The following IL1RAPL2 variants were observed in gnomAD, a reference collection of about 807,000 sequenced individuals.
IL1RAPL2 encodes the protein interleukin 1 receptor accessory protein like 2.
IL1RAPL2 carries 3 observed loss-of-function variants against 44.1 expected under a neutral mutation model. The observed-to-expected ratio is 0.07, with a 90% confidence interval of 0.03 to 0.18. IL1RAPL2 has a LOEUF of 0.18. IL1RAPL2 is among the 10% of genes least tolerant of loss of function. The pLI is 1.00. For missense variants in IL1RAPL2, 391 were observed against 496.4 expected, an observed-to-expected ratio of 0.79 and a Z score of 2.02; for synonymous variants, 181 against 178.8, an observed-to-expected ratio of 1.01 and a Z score of -0.10.
rs540928483 is a variant in IL1RAPL2 at position 104,800,278 on chromosome X, G to A, written c.82+141283G>A. On this transcript the variant is annotated intron_variant, in intron 2 of 10. Transcript: ENST00000372582. ...GTAACTTCTCTGAGCTCTATTTCTT[G>A]TACAGTGGGAGATGATAATGAAATC... Among the ~76,000 whole-genome samples the A allele has an allele frequency of 1.2e-3, 128 of 110,648 alleles. 1 individual carries two copies. The highest frequency in any genetic ancestry group is 4.6e-3 in the Middle Eastern group (1 of 216).
chrX:105,370,674 G>A (rs749277248), intron 5 of IL1RAPL2, among the ~76,000 whole-genome samples: 41 of 111,975 alleles, frequency 3.7e-4, no homozygotes, highest in Non-Finnish European at 7.3e-4. Context: ...TGTGAACAGT[G>A]CTGCAATGAA....
intron 6 of IL1RAPL2, among the ~76,000 whole-genome samples, chrX:105,542,390 A>T (rs2036745202): frequency 8.9e-6 from 1 of 112,089 alleles, no homozygotes; most frequent in African/African-American, 3.2e-5. Flanking sequence ...AGTCAGCCAG[A>T]CTAGTTATCT....
intron 5 of IL1RAPL2, among the ~76,000 whole-genome samples, chrX:105,434,480 T>TA (rs1476400947): frequency 1.9e-4 from 21 of 112,495 alleles, no homozygotes; most frequent in Middle Eastern, 4.6e-3. Context: ...TGAATGAATT[T>TA]AAAAAATTGT....
chrX:104,949,155 A>G (rs1208138088), intron 2 of IL1RAPL2, among the ~76,000 whole-genome samples: 3 of 100,630 alleles, frequency 3.0e-5, no homozygotes, highest in East Asian at 6.7e-4. Flanking sequence ...GGGAGAGTGT[A>G]TGTGTCGAGG....
At chrX:105,208,344 G>T (rs1400118845) in intron 3 of IL1RAPL2, among the ~76,000 whole-genome samples, 1 of 111,354 alleles carries the variant, frequency 9.0e-6, no homozygotes, top group African/African-American at 3.3e-5. Context: ...TATATTTAAA[G>T]GAGGCAAATT....
In IL1RAPL2 at chrX:104,963,936, A is replaced by T. The variant is rs3057301; in HGVS notation, c.83-231539A>T. ...GGATGTGCGTGTGTGTGTGTGTGTG[A>T]GAGAGAGAGAGAGAGAGAGAGAGGG... On this transcript the variant is annotated intron_variant, in intron 2 of 10. Transcript: ENST00000372582. Among the ~76,000 whole-genome samples the T allele has an allele frequency of 9.5e-3, 347 of 36,345 alleles. 1 individual carries two copies. The highest frequency in any genetic ancestry group is 0.017 in the African/African-American group (132 of 7,918). 31.6% of individuals were successfully genotyped at this position (36,345 alleles called of 115,157 possible).
At chrX:105,461,186 A>G (rs941155507) in intron 5 of IL1RAPL2, among the ~76,000 whole-genome samples, 38 of 111,481 alleles carry the variant, frequency 3.4e-4, no homozygotes, top group African/African-American at 1.2e-3. Flanking sequence ...ACATTCAAGG[A>G]GTTTCCAGTG....
chrX:104,848,939 A>T (rs1922142264), intron 2 of IL1RAPL2, among the ~76,000 whole-genome samples: 1 of 111,155 alleles, frequency 9.0e-6, no homozygotes, highest in African/African-American at 3.3e-5. Flanking sequence ...AATATTTAAG[A>T]TAACTTTAGA....
chrX:105,088,038 T>C (rs1421069615), intron 2 of IL1RAPL2, among the ~76,000 whole-genome samples: 1 of 112,324 alleles, frequency 8.9e-6, no homozygotes, highest in Non-Finnish European at 1.9e-5. Flanking sequence ...TTCGTTAAGA[T>C]CTACTGGAAA....
Position 105,767,378 on chromosome X carries a change from C to T in IL1RAPL2, c.1778C>T (p.Ser593Leu). 8.3e-7 allele frequency: 1 copy of T among 1,211,792 alleles called. No individual in the cohort carries two copies. The highest frequency in any genetic ancestry group is 1.1e-6 in the Non-Finnish European group (1 of 895,445). Residue 593 changes from serine (S) to leucine (L), a missense_variant, in exon 11 of 11, where the codon TCA becomes TTA. Ser to Leu is a moderately radical substitution (Grantham distance 145). This residue lies in a region of IL1RAPL2 where 232 missense variants were observed against 244.8 expected (regional missense o/e 0.95). Transcript: ENST00000372582. ...CCCTCTATTGCCATGACCAGTACTT[C>T]AGCCACTCTGGTGTCATCTCAGGCT... The part of the protein sequence containing the change: ...PIPSIAMTST[S>L]ATLVSSQADL...
chrX:105,259,158 C>A (rs1272217297), intron 4 of IL1RAPL2, among the ~76,000 whole-genome samples: 1 of 111,871 alleles, frequency 8.9e-6, no homozygotes. Context: ...TTGAAGCTTA[C>A]TTCCTGTCTC....
At chrX:104,901,447 G>A (rs967875728) in intron 2 of IL1RAPL2, among the ~76,000 whole-genome samples, 6 of 109,065 alleles carry the variant, frequency 5.5e-5, no homozygotes, top group Non-Finnish European at 7.6e-5. Context: ...TCCTGACCTC[G>A]TGATCCGCCC....
chrX:104,695,010 T>C (rs920937819), intron 2 of IL1RAPL2, among the ~76,000 whole-genome samples: 2 of 112,386 alleles, frequency 1.8e-5, no homozygotes, highest in Admixed American at 1.9e-4. Flanking sequence ...CAGCCTCAGC[T>C]GGGCTCTCAC....
At chrX:105,237,116 A>T (rs959965788) in intron 4 of IL1RAPL2, among the ~76,000 whole-genome samples, 3 of 111,418 alleles carry the variant, frequency 2.7e-5, no homozygotes, top group Non-Finnish European at 5.7e-5. Context: ...TTGTCCTTGC[A>T]ATAGTTTGCT....
rs748108881 is a variant in IL1RAPL2, at chrX:105,304,233, T to G, written c.697+36692T>G. Among the ~76,000 whole-genome samples the G allele has an allele frequency of 4.6e-5, 5 of 107,935 alleles. No homozygotes were observed. The South Asian group carries it at 1.9e-3, about 41-fold the overall frequency. The allele number at this position is 107,935 out of a possible 115,157, so 93.7% of individuals were successfully genotyped here. ...ATTGCAGCAGAGAAAGAGCTTTAAT[T>G]GTAGGGTCACTGAATGAGGAGATGG... On this transcript the variant is annotated intron_variant, in intron 5 of 10. Coordinates refer to ENST00000372582, the MANE Select transcript of IL1RAPL2 (RefSeq NM_017416.2).
intron 6 of IL1RAPL2, among the ~76,000 whole-genome samples, chrX:105,540,833 G>GCATATATTATATATC (rs1569452093): frequency 3.7e-5 from 1 of 27,297 alleles, no homozygotes; most frequent in Non-Finnish European, 6.5e-5. Context: ...TATTATATAT[G>GCATATATTATATATC]ATATATAATA....
chrX:105,396,269 G>A (rs1466585896), intron 5 of IL1RAPL2, among the ~76,000 whole-genome samples: 1 of 108,808 alleles, frequency 9.2e-6, no homozygotes, highest in Admixed American at 9.8e-5. Context: ...TGCACACTAA[G>A]TAAATATAAT....
intron 2 of IL1RAPL2, among the ~76,000 whole-genome samples, chrX:105,007,193 C>T: frequency 9.0e-6 from 1 of 111,470 alleles, no homozygotes; most frequent in Non-Finnish European, 1.9e-5. Flanking sequence ...AGAACTATGA[C>T]TAATGAGAGG....
chrX:104,885,974 C>T (rs947622184), intron 2 of IL1RAPL2, among the ~76,000 whole-genome samples: 21 of 112,753 alleles, frequency 1.9e-4, no homozygotes, highest in Admixed American at 1.9e-3. Context: ...CAGCTCATGT[C>T]ATCACCCTCA....
Sources: gnomAD v4.1 joint callset for allele counts (sites outside exome capture counted in the v4.1 genomes callset) on GRCh38, gnomAD v4.1.1 for gene constraint, gnomAD v4.1.1 regional missense constraint, MANE v1.5 for transcripts, NCBI Gene and HGNC (gene_info 2026-07-23, HGNC 2026-07-21) for gene names.